PRR16: variants seen among roughly 807,000 people sequenced by gnomAD.
The protein encoded by PRR16 is protein Largen.
In PRR16, 6 loss-of-function variants were observed where a neutral mutation model predicts 18.2. The observed-to-expected ratio is 0.33, with a 90% confidence interval of 0.18 to 0.65. The LOEUF (loss-of-function observed/expected upper bound fraction) is 0.65. Among genes scored for constraint, PRR16 ranks in the 30% least tolerant of loss-of-function variants. The pLI is 0.74. For synonymous variants in PRR16, 151 were observed against 147.8 expected (o/e 1.02, Z -0.16); for missense variants, 412 against 376.6 (o/e 1.09, Z -0.78).
the PRR16 span, among the ~76,000 whole-genome samples, chr5:120,784,089 TTTC>T: frequency 6.6e-6 from 1 of 152,240 alleles, no homozygotes; most frequent in Non-Finnish European, 1.5e-5. Flanking sequence ...TGTTCTACTT[TTTC>T]TTATCCATTC....
intron 1 of PRR16, among the ~76,000 whole-genome samples, chr5:120,621,736 C>G (rs1349033681): frequency 6.6e-6 from 1 of 152,088 alleles, no homozygotes; most frequent in Non-Finnish European, 1.5e-5. Context: ...CATCTCCTTT[C>G]TGCCACCTTG....
At chr5:120,543,298 G>A (rs190771443) in intron 1 of PRR16, among the ~76,000 whole-genome samples, 1 of 152,266 alleles carries the variant, frequency 6.6e-6, no homozygotes, top group Admixed American at 6.5e-5. Context: ...GTAGATGCAA[G>A]AGTGTGGCAT....
chr5:120,496,788 C>G (rs62376395), intron 1 of PRR16, among the ~76,000 whole-genome samples: 2,288 of 151,874 alleles, frequency 0.015, 23 homozygotes, highest in Non-Finnish European at 0.024. Flanking sequence ...GAAGTAGATG[C>G]TTAGATTATT....
intron 1 of PRR16, among the ~76,000 whole-genome samples, chr5:120,562,505 C>G (rs1358489624): frequency 6.6e-6 from 1 of 151,988 alleles, no homozygotes; most frequent in Non-Finnish European, 1.5e-5. Flanking sequence ...AGGACTTTCT[C>G]CTGACATTTT....
chr5:120,790,323 C>T, the PRR16 span: 3 of 152,144 alleles, frequency 2.0e-5, no homozygotes, highest in Non-Finnish European at 2.9e-5. Flanking sequence ...AAACTGTTCC[C>T]AGATGTGAGA....
At chr5:120,491,069 G>T (rs1283736865) in intron 1 of PRR16, among the ~76,000 whole-genome samples, 4 of 152,172 alleles carry the variant, frequency 2.6e-5, no homozygotes, top group Non-Finnish European at 5.9e-5. Context: ...CCCTACTGGG[G>T]GGTGCCTCCC....
chr5:120,623,876 T>C (rs767047028), intron 1 of PRR16, among the ~76,000 whole-genome samples: 10 of 152,002 alleles, frequency 6.6e-5, no homozygotes, highest in Non-Finnish European at 1.2e-4. Context: ...ATGAATATGT[T>C]AATGAGCTTG....
chr5:120,600,255 C>G (rs551657480), intron 1 of PRR16, among the ~76,000 whole-genome samples: 1 of 151,944 alleles, frequency 6.6e-6, no homozygotes, highest in South Asian at 2.1e-4. Flanking sequence ...GCCAATTTGA[C>G]TAGAATGTCT....
At chr5:120,703,993 G>T in the PRR16 span, among the ~76,000 whole-genome samples, 1 of 152,310 alleles carries the variant, frequency 6.6e-6, no homozygotes. Flanking sequence ...TTTAGATACT[G>T]ATGATACAGC....
the PRR16 span, among the ~76,000 whole-genome samples, chr5:120,700,859 C>A: frequency 6.6e-6 from 1 of 152,266 alleles, no homozygotes; most frequent in African/African-American, 2.4e-5. Flanking sequence ...AGTCTTCAGC[C>A]GCTAAGCCGA....
At chr5:120,554,559 G>A (rs1752352723) in intron 1 of PRR16, among the ~76,000 whole-genome samples, 1 of 151,948 alleles carries the variant, frequency 6.6e-6, no homozygotes, top group East Asian at 1.9e-4. Context: ...TTCAATCTGA[G>A]AGGCAATTCT....
At chr5:120,598,153 A>G (rs910646138) in intron 1 of PRR16, among the ~76,000 whole-genome samples, 9 of 151,914 alleles carry the variant, frequency 5.9e-5, no homozygotes, top group Non-Finnish European at 1.2e-4. Flanking sequence ...TATTCTGTCA[A>G]TTTCTGCCTT....
the PRR16 span, among the ~76,000 whole-genome samples, chr5:120,721,920 A>C: frequency 6.6e-6 from 1 of 152,064 alleles, no homozygotes; most frequent in Non-Finnish European, 1.5e-5. Flanking sequence ...TATGGGATAC[A>C]TGTGCAGAAC....
chr5:120,742,264 G>A, the PRR16 span, among the ~76,000 whole-genome samples: 1 of 128,308 alleles, frequency 7.8e-6, no homozygotes, highest in African/African-American at 2.8e-5. Flanking sequence ...TATTTTCAAT[G>A]TTTTGTTACT....
At chr5:120,648,087 A>G (rs116329231) in intron 1 of PRR16, among the ~76,000 whole-genome samples, 112 of 152,268 alleles carry the variant, frequency 7.4e-4, no homozygotes, top group African/African-American at 2.5e-3. Context: ...TTCCTTGTAT[A>G]TAGAACTTCT....
At chr5:120,792,983 T>C in the PRR16 span, among the ~76,000 whole-genome samples, 1 of 151,522 alleles carries the variant, frequency 6.6e-6, no homozygotes, top group African/African-American at 2.4e-5. Flanking sequence ...TGAAATCCTG[T>C]CTCTACAAAA....
At chr5:120,556,614 C>T (rs1752421565) in intron 1 of PRR16, among the ~76,000 whole-genome samples, 1 of 151,946 alleles carries the variant, frequency 6.6e-6, no homozygotes, top group Admixed American at 6.6e-5. Context: ...ACAGTTTCAT[C>T]TTTGCCATTT....
Position 120,686,351 on chromosome 5 carries a change from T to G in PRR16, c.557T>G (p.Leu186Arg), listed in dbSNP as rs544608567. Residue 186 changes from leucine to arginine, a missense_variant, in exon 2 of 2, where the codon CTT (leucine) becomes CGT (arginine). By Grantham distance (102) the Leu-to-Arg change is moderately radical. Coordinates refer to ENST00000407149, the MANE Select transcript of PRR16 (RefSeq NM_001300783.2). ...NSNLDKAPVQLLMHRPEKDRC... is the reference protein window; with the variant it reads ...NSNLDKAPVQRLMHRPEKDRC... ...AACTTGGACAAGGCTCCAGTCCAGC[T>G]TCTGATGCATAGACCTGAAAAAGAC... 1.2e-6 allele frequency: 2 copies of G among 1,614,196 alleles called. No homozygotes were observed. Among genetic ancestry groups the G allele is most frequent in the South Asian group, 1.1e-5 (1 of 91,090 alleles).
intron 1 of PRR16, among the ~76,000 whole-genome samples, chr5:120,639,753 A>G (rs550948240): frequency 2.6e-5 from 4 of 151,752 alleles, no homozygotes; most frequent in Middle Eastern, 3.4e-3. Flanking sequence ...AGAACTTAAA[A>G]CAGAGCTACA....
Sources: allele counts gnomAD v4.1 joint callset (sites outside exome capture counted in the v4.1 genomes callset), GRCh38; gene constraint gnomAD v4.1.1; transcripts MANE v1.5; gene names NCBI Gene and HGNC (gene_info 2026-07-23, HGNC 2026-07-21).